The following NDST3 variants were observed in gnomAD, a reference collection of about 807,000 sequenced individuals.
NDST3 encodes bifunctional heparan sulfate N-deacetylase/N-sulfotransferase 3.
A neutral mutation model predicts 96.1 loss-of-function variants in NDST3; 58 were observed. That is an observed-to-expected ratio of 0.60 (90% CI 0.49 to 0.75). The LOEUF (loss-of-function observed/expected upper bound fraction) is 0.75. Ranked by LOEUF, NDST3 falls within the 30% of genes least tolerant of loss-of-function variation. NDST3 has a pLI of 0.00. For missense variants in NDST3, 788 were observed against 1,034.2 expected, an observed-to-expected ratio of 0.76 and a Z score of 3.27; for synonymous variants, 333 against 359.7, an observed-to-expected ratio of 0.93 and a Z score of 0.84.
intron 2 of NDST3, among the ~76,000 whole-genome samples, chr4:118,069,477 GT>G (rs935815433): frequency 6.6e-6 from 1 of 151,670 alleles, no homozygotes; most frequent in African/African-American, 2.4e-5. Context: ...CCTGTTTGGG[GT>G]TTTTTTGTCT....
At chr4:118,179,073 A>G (rs1242526449) in intron 6 of NDST3, among the ~76,000 whole-genome samples, 4 of 152,020 alleles carry the variant, frequency 2.6e-5, no homozygotes, top group East Asian at 3.9e-4. Context: ...ATCTCACATA[A>G]TAGGCAATAA....
intron 6 of NDST3, among the ~76,000 whole-genome samples, chr4:118,169,036 A>AAC (rs542643053): frequency 3.9e-5 from 6 of 152,198 alleles, no homozygotes; most frequent in Non-Finnish European, 7.4e-5. Context: ...TCCAGTGTAC[A>AAC]ACACACACAC....
intron 6 of NDST3, among the ~76,000 whole-genome samples, chr4:118,199,661 T>C (rs372346287): frequency 6.6e-6 from 1 of 152,280 alleles, no homozygotes; most frequent in East Asian, 1.9e-4. Flanking sequence ...TAGGTATTTA[T>C]TGTAGTCTTT....
At chr4:118,125,146 G>A (rs1022173405) in intron 4 of NDST3, among the ~76,000 whole-genome samples, 1 of 152,010 alleles carries the variant, frequency 6.6e-6, no homozygotes, top group African/African-American at 2.4e-5. Flanking sequence ...GGGACTTCCT[G>A]GCATGACTAA....
chr4:118,193,680 C>A, intron 6 of NDST3: 1 of 1,321,468 alleles, frequency 7.6e-7, no homozygotes, highest in South Asian at 1.2e-5. Context: ...AGTTCAAAGT[C>A]ATTCACAGCC....
chr4:118,254,811 C>T (rs1393843332), intron 13 of NDST3, among the ~76,000 whole-genome samples: 2 of 152,110 alleles, frequency 1.3e-5, no homozygotes, highest in Non-Finnish European at 2.9e-5. Context: ...TTGAGGACTA[C>T]TTTTTGTGCC....
intron 2 of NDST3, among the ~76,000 whole-genome samples, chr4:118,079,463 A>G (rs924592238): frequency 1.3e-5 from 2 of 152,222 alleles, no homozygotes; most frequent in Non-Finnish European, 2.9e-5. Flanking sequence ...AGAGAGTTCT[A>G]TGCAAAAGAA....
chr4:118,211,192 C>G (rs1738771139), intron 6 of NDST3, among the ~76,000 whole-genome samples: 1 of 152,086 alleles, frequency 6.6e-6, no homozygotes, highest in South Asian at 2.1e-4. Flanking sequence ...ACTACTAAAT[C>G]AAGACTTAAA....
At chr4:118,228,516 G>T (rs1740057866) in intron 8 of NDST3, among the ~76,000 whole-genome samples, 1 of 152,088 alleles carries the variant, frequency 6.6e-6, no homozygotes. Flanking sequence ...ATTTGGATAT[G>T]GCATTTGTCG....
intron 5 of NDST3, among the ~76,000 whole-genome samples, chr4:118,142,812 T>C (rs1733665590): frequency 6.6e-6 from 1 of 152,168 alleles, no homozygotes; most frequent in Non-Finnish European, 1.5e-5. Flanking sequence ...CTATAAAAAT[T>C]TGAAAAACCT....
At position 118,124,745 on chromosome 4, in the gene NDST3, C is replaced by G. The variant is rs151298753; in HGVS notation, c.1224+9785C>G. Reference sequence around the variant, plus strand: ...TAAACACCATACACTCATCTCTTTTCCGGAGATGAGTAACTCCAGAGTGAT... The same window carrying G: ...TAAACACCATACACTCATCTCTTTTGCGGAGATGAGTAACTCCAGAGTGAT... On this transcript the variant is annotated intron_variant, in intron 4 of 13. Coordinates refer to ENST00000296499, the MANE Select transcript of NDST3 (RefSeq NM_004784.3). Among the ~76,000 whole-genome samples the G allele has an allele frequency of 8.5e-5, 13 of 152,168 alleles. No homozygotes were observed. In the East Asian group the frequency reaches 2.3e-3, roughly 27 times the overall value.
Position 118,253,533 on chromosome 4 carries a change from C to G in NDST3, c.2434C>G (p.Leu812Val). Residue 812 changes from leucine to valine, a missense_variant, in exon 13 of 14, where the codon CTG (leucine) becomes GTG (valine). Physicochemically the swap from Leu to Val is conservative, Grantham distance 32. This residue lies in a region of NDST3 where 64 missense variants were observed against 68.5 expected (regional missense o/e 0.93). Transcript: ENST00000296499. ...DSHKGFWCQL[L>V]EEGKTKCLGK... Reference sequence around the variant, plus strand: ...TCATAAAGGTTTCTGGTGTCAGTTACTGGAAGAAGGTAAAACAAAATGCCT... The same window carrying G: ...TCATAAAGGTTTCTGGTGTCAGTTAGTGGAAGAAGGTAAAACAAAATGCCT... The G allele has an allele frequency of 6.2e-7, 1 of 1,611,322 alleles. No individual in the cohort carries two copies. The highest frequency in any genetic ancestry group is 8.5e-7 in the Non-Finnish European group (1 of 1,178,694).
intron 3 of NDST3, among the ~76,000 whole-genome samples, chr4:118,110,339 T>C (rs1203063145): frequency 6.6e-6 from 1 of 152,206 alleles, no homozygotes; most frequent in African/African-American, 2.4e-5. Flanking sequence ...GCCCTGAATT[T>C]GGAGTTGCTC....
intron 4 of NDST3, among the ~76,000 whole-genome samples, chr4:118,128,446 T>C (rs1732310931): frequency 6.6e-6 from 1 of 152,124 alleles, no homozygotes; most frequent in Non-Finnish European, 1.5e-5. Flanking sequence ...GAAATGATTG[T>C]ATGATTTTTG....
chr4:118,236,218 G>A (rs942520272), intron 9 of NDST3, among the ~76,000 whole-genome samples: 2 of 152,128 alleles, frequency 1.3e-5, no homozygotes, highest in African/African-American at 2.4e-5. Context: ...TCCTCTAAAG[G>A]ATGTTCCTTA....
At chr4:118,093,892 T>C (rs1729083884) in intron 2 of NDST3, among the ~76,000 whole-genome samples, 1 of 151,890 alleles carries the variant, frequency 6.6e-6, no homozygotes, top group South Asian at 2.1e-4. Context: ...GTTCAGTGTC[T>C]AGTAAGGGTT....
In NDST3 at chr4:118,054,206, T is replaced by C; in HGVS notation, c.296T>C (p.Leu99Pro). The change falls in exon 2 of 14, where the codon CTA (leucine) becomes CCA (proline). Residue 99 changes from leucine (L) to proline (P), a missense_variant. Around this residue, in one of 3 missense-constraint regions of NDST3, gnomAD observed 234 missense variants for 256.9 expected, o/e 0.91. Coordinates refer to ENST00000296499, the MANE Select transcript of NDST3 (RefSeq NM_004784.3). ...SSLGQDIIMI[L>P]ESSRFQYHIE... is the part of the protein sequence containing the mutation. Reference sequence around the variant, plus strand: ...CTTGGTCAAGACATCATTATGATTCTAGAATCAAGTAGATTCCAGTATCAC... The same window carrying C: ...CTTGGTCAAGACATCATTATGATTCCAGAATCAAGTAGATTCCAGTATCAC... 1.2e-6 allele frequency: 2 copies of C among 1,613,020 alleles called. No homozygotes were observed. Among genetic ancestry groups the C allele is most frequent in the Non-Finnish European group, 8.5e-7 (1 of 1,179,386 alleles).
intron 6 of NDST3, among the ~76,000 whole-genome samples, chr4:118,151,050 T>C (rs1578732472): frequency 6.6e-6 from 1 of 152,008 alleles, no homozygotes; most frequent in Non-Finnish European, 1.5e-5. Context: ...TGGAATACTA[T>C]GCAGCCATAA....
At chr4:118,200,501 C>T (rs186274307) in intron 6 of NDST3, among the ~76,000 whole-genome samples, 1 of 152,282 alleles carries the variant, frequency 6.6e-6, no homozygotes, top group East Asian at 1.9e-4. Context: ...AAAACCAAGT[C>T]CTGAAATCAG....
Sources: allele counts gnomAD v4.1 joint callset (sites outside exome capture counted in the v4.1 genomes callset), GRCh38; gene constraint gnomAD v4.1.1; regional missense constraint gnomAD v4.1.1; transcripts MANE v1.5; gene names NCBI Gene and HGNC (gene_info 2026-07-23, HGNC 2026-07-21).